WIPI2: variants seen among roughly 807,000 people sequenced by gnomAD.
The protein encoded by WIPI2 is WD repeat domain, phosphoinositide interacting 2.
In WIPI2, 28 loss-of-function variants were observed where a neutral mutation model predicts 52.3. The observed-to-expected ratio is 0.54, with a 90% confidence interval of 0.40 to 0.73. The LOEUF is 0.73. WIPI2 is among the 30% of genes least tolerant of loss of function. The pLI is 0.00. For synonymous variants in WIPI2, 268 were observed against 245.0 expected (o/e 1.09, Z -0.88); for missense variants, 506 against 602.9 (o/e 0.84, Z 1.68).
intron 1 of WIPI2, among the ~76,000 whole-genome samples, chr7:5,192,285 A>C (rs562872818): frequency 6.6e-6 from 1 of 152,330 alleles, no homozygotes; most frequent in Non-Finnish European, 1.5e-5. Flanking sequence ...TTTAAGCCCA[A>C]GGCCACAGTA....
chr7:5,214,289 C>G (rs951311762), intron 3 of WIPI2: 2 of 1,494,962 alleles, frequency 1.3e-6, no homozygotes, highest in African/African-American at 1.4e-5. Flanking sequence ...CTGAAAGGAA[C>G]CTTTGTCTTT....
At chr7:5,214,745 C>G (rs1318748575) in intron 4 of WIPI2, 41 bp downstream of exon 4, 1 of 1,604,330 alleles carries the variant, frequency 6.2e-7, no homozygotes, top group Non-Finnish European at 8.5e-7. Context: ...GTCTGTTGCT[C>G]CCTCCAGCAC....
intron 3 of WIPI2, among the ~76,000 whole-genome samples, chr7:5,202,334 A>C (rs1220950128): frequency 6.6e-6 from 1 of 152,222 alleles, no homozygotes; most frequent in Non-Finnish European, 1.5e-5. Flanking sequence ...TTCAAACTTG[A>C]AAGTTGCAGG....
chr7:5,199,176 G>T (rs566578595), intron 2 of WIPI2, among the ~76,000 whole-genome samples: 1 of 152,212 alleles, frequency 6.6e-6, no homozygotes, highest in African/African-American at 2.4e-5. Context: ...GGGACTACAA[G>T]GGCACCACCA....
At chr7:5,193,727 C>G (rs1781594042) in intron 2 of WIPI2, among the ~76,000 whole-genome samples, 1 of 151,878 alleles carries the variant, frequency 6.6e-6, no homozygotes, top group Admixed American at 6.6e-5. Context: ...AGGCGTAGGC[C>G]CCACACCTGG....
In WIPI2 at chr7:5,227,112, G is replaced by T; in HGVS notation, c.849-68G>T. ...GTCGGCTCCAGAGCTGTGCGTCTGT[G>T]TGAGTAGGGGGTGGCCGTCCCCCCA... is the stretch of plus-strand genomic sequence containing the variant. On this transcript the variant is annotated intron_variant, in intron 9 of 12. Transcript: ENST00000288828. This position sits in a 1 kb window ranked among gnomAD's most constrained non-coding sequence, Gnocchi z 8.1. 1 of 1,592,460 alleles carries T rather than the reference G, an allele frequency of 6.3e-7. No homozygotes were observed. Among genetic ancestry groups the T allele is most frequent in the Non-Finnish European group, 8.6e-7 (1 of 1,167,898 alleles).
At chr7:5,226,774 A>G (rs917157901) in intron 9 of WIPI2, 2 of 143,928 alleles carry the variant, frequency 1.4e-5, no homozygotes, top group African/African-American at 5.1e-5. Context: ...CCCAAAAAAG[A>G]TGAATAGCAA....
At chr7:5,197,746 T>C (rs1781819456) in intron 2 of WIPI2, among the ~76,000 whole-genome samples, 1 of 152,230 alleles carries the variant, frequency 6.6e-6, no homozygotes, top group African/African-American at 2.4e-5. Context: ...GATCCTATCT[T>C]GGGGTACAAA....
chr7:5,205,513 C>T lies in WIPI2; in HGVS notation c.211+5855C>T, dbSNP rs567828365. 2.0e-5 allele frequency among the ~76,000 whole-genome samples: 3 copies of T among 152,264 alleles called. No individual in the cohort carries two copies. In the South Asian group the frequency reaches 6.2e-4, roughly 32 times the overall value. ...ACGGACACCTGGTCTTTGCAGTTGGCCGTCACACTTAGTTTCTGTCCTGCC... is the reference window on the plus strand; with the variant it reads ...ACGGACACCTGGTCTTTGCAGTTGGTCGTCACACTTAGTTTCTGTCCTGCC... On this transcript the variant is annotated intron_variant, in intron 3 of 12. Transcript: ENST00000288828.
chr7:5,226,153 C>G (rs867190722), intron 9 of WIPI2: 8 of 544,776 alleles, frequency 1.5e-5, no homozygotes, highest in South Asian at 2.1e-5. Context: ...GCAGGGTAGA[C>G]AGAGCCCTCG....
In WIPI2 at chr7:5,214,399, C is replaced by T. The variant is rs79836883; in HGVS notation, c.212-136C>T. 141 of 1,607,684 alleles carry T rather than the reference C, an allele frequency of 8.8e-5. No individual in the cohort carries two copies. In the East Asian group the frequency reaches 2.9e-3, roughly 33 times the overall value. The stretch of plus-strand genomic sequence containing the variant: ...CCCCCGGGCTGTCCCCACCCCATGA[C>T]CACATGTTCCGCAGGCACCCTCAGC... On this transcript the variant is annotated intron_variant, in intron 3 of 12. Transcript: ENST00000288828.
chr7:5,229,575 A>T, intron 11 of WIPI2, 33 bp from the exon 12 acceptor site: 1 of 1,603,440 alleles, frequency 6.2e-7, no homozygotes, highest in Non-Finnish European at 8.5e-7. Context: ...CCCTGTGTGG[A>T]GACGCTGAGC....
intron 1 of WIPI2, 81 bp downstream of exon 1, chr7:5,190,574 C>T (rs1781426432): frequency 1.1e-5 from 14 of 1,276,968 alleles, no homozygotes; most frequent in Non-Finnish European, 1.4e-5. Flanking sequence ...CTGCCAAGCT[C>T]GGCGGCGTCG....
intron 9 of WIPI2, chr7:5,226,187 G>A: frequency 2.2e-6 from 1 of 449,930 alleles, no homozygotes; most frequent in Admixed American, 3.7e-5. Context: ...GGGCCCAGGT[G>A]GACATCCTTT....
chr7:5,215,618 C>T (rs779342195), intron 4 of WIPI2, among the ~76,000 whole-genome samples: 2 of 152,224 alleles, frequency 1.3e-5, no homozygotes, highest in African/African-American at 4.8e-5. Flanking sequence ...CCAGTAGCTG[C>T]ACCCTGAGAT....
intron 3 of WIPI2, among the ~76,000 whole-genome samples, chr7:5,203,076 A>G (rs1782108759): frequency 6.6e-6 from 1 of 152,196 alleles, no homozygotes. Context: ...TTGATTATGG[A>G]AGTGTAGCTG....
At chr7:5,215,883 G>GTGCAA (rs1445684620) in intron 4 of WIPI2, among the ~76,000 whole-genome samples, 4 of 152,220 alleles carry the variant, frequency 2.6e-5, no homozygotes, top group Admixed American at 6.5e-5. Flanking sequence ...AAAGTAATCT[G>GTGCAA]AGTGCACAAT....
chr7:5,203,138 A>C (rs770609563), intron 3 of WIPI2, among the ~76,000 whole-genome samples: 3 of 152,084 alleles, frequency 2.0e-5, no homozygotes, highest in Admixed American at 6.5e-5. Context: ...GAAACTAATC[A>C]TTTACTTTAC....
intron 3 of WIPI2, among the ~76,000 whole-genome samples, chr7:5,202,495 C>G (rs1288842169): frequency 6.6e-6 from 1 of 152,124 alleles, no homozygotes; most frequent in Non-Finnish European, 1.5e-5. Context: ...GCGATCCTCC[C>G]TCCTCAGCCT....
Sources: allele counts gnomAD v4.1 joint callset (sites outside exome capture counted in the v4.1 genomes callset), GRCh38; gene constraint gnomAD v4.1.1; non-coding constraint Gnocchi (gnomAD v3.1); transcripts MANE v1.5; gene names NCBI Gene and HGNC (gene_info 2026-07-23, HGNC 2026-07-21).